MICAL2: variants seen among roughly 807,000 people sequenced by gnomAD.
The protein encoded by MICAL2 is [F-actin]-monooxygenase MICAL2.
MICAL2 carries 77 observed loss-of-function variants against 127.3 expected under a neutral mutation model. The observed-to-expected ratio is 0.60, with a 90% confidence interval of 0.50 to 0.73. The LOEUF (loss-of-function observed/expected upper bound fraction) is 0.73. Ranked by LOEUF, MICAL2 falls within the 30% of genes least tolerant of loss-of-function variation. The pLI, the probability that MICAL2 is intolerant of heterozygous loss-of-function variation, is 0.00. For synonymous variants in MICAL2, 570 were observed against 551.1 expected (o/e 1.03, Z -0.48); for missense variants, 1,351 against 1,434.4 (o/e 0.94, Z 0.94).
At chr11:12,304,100 A>T (rs1441565275) in intron 29 of MICAL2, among the ~76,000 whole-genome samples, 1 of 152,226 alleles carries the variant, frequency 6.6e-6, no homozygotes, top group Non-Finnish European at 1.5e-5. Context: ...AAAATATATT[A>T]AAATTAATTT....
At chr11:12,292,129 T>C (rs778550192), downstream of MICAL2, 24 of 1,611,556 alleles carry the variant, frequency 1.5e-5, no homozygotes, top group Admixed American at 4.0e-4. Flanking sequence ...AAGAGTGTGT[T>C]CTTTCCTTGG....
intron 3 of MICAL2, among the ~76,000 whole-genome samples, chr11:12,191,110 G>A (rs1859039178): frequency 6.6e-6 from 1 of 152,148 alleles, no homozygotes. Flanking sequence ...TCAGAGACAA[G>A]GCCTCTGCTT....
Position 12,255,696 on chromosome 11 carries a change from C to A in MICAL2, c.2901C>A (p.Val967=). 1 of 1,614,046 alleles carries A rather than the reference C, an allele frequency of 6.2e-7. No homozygotes were observed. Among genetic ancestry groups the A allele is most frequent in the South Asian group, 1.1e-5 (1 of 91,054 alleles). Residue 967 remains valine, a synonymous_variant, in exon 23 of 28, where the codon GTC becomes GTA. Coordinates refer to ENST00000683283, the MANE Select transcript of MICAL2 (RefSeq NM_001282663.2). ...TAGGGGCTGCAGCTGAAGTCCTGGTCAATCTGTACATGAATGATCACAGAC... is the reference window on the plus strand; with the variant it reads ...TAGGGGCTGCAGCTGAAGTCCTGGTAAATCTGTACATGAATGATCACAGAC... ...SGIGAAAEVL[V]NLYMNDHRPK...
intron 1 of MICAL2, among the ~76,000 whole-genome samples, chr11:12,135,454 A>AT (rs1851760622): frequency 6.6e-6 from 1 of 152,012 alleles, no homozygotes; most frequent in African/African-American, 2.4e-5. Flanking sequence ...TTACCCACCC[A>AT]CTCTGATGCA....
downstream of MICAL2, among the ~76,000 whole-genome samples, chr11:12,264,046 C>A (rs2134739576): frequency 6.6e-6 from 1 of 152,262 alleles, no homozygotes; most frequent in East Asian, 1.9e-4. Context: ...AGATGCTGGG[C>A]ATAGTGGGTG....
intron 3 of MICAL2, among the ~76,000 whole-genome samples, chr11:12,173,181 C>A (rs1360365450): frequency 1.3e-5 from 2 of 152,178 alleles, no homozygotes; most frequent in African/African-American, 4.8e-5. Context: ...TGCAACCTGG[C>A]GTATTCTACA....
chr11:12,130,125 C>A (rs189709691), intron 1 of MICAL2, among the ~76,000 whole-genome samples: 1 of 152,336 alleles, frequency 6.6e-6, no homozygotes, highest in Admixed American at 6.5e-5. Context: ...CATCCCCACT[C>A]CATTGTCCCT....
At chr11:12,323,509 T>C (rs1295123485) in intron 30 of MICAL2, among the ~76,000 whole-genome samples, 1 of 152,142 alleles carries the variant, frequency 6.6e-6, no homozygotes, top group Non-Finnish European at 1.5e-5. Context: ...CCCTCATCCC[T>C]GGGCCATATC....
intron 2 of MICAL2, among the ~76,000 whole-genome samples, chr11:12,161,005 T>C (rs956931917): frequency 6.6e-6 from 1 of 152,238 alleles, no homozygotes; most frequent in Non-Finnish European, 1.5e-5. Context: ...CTGCGCTCTG[T>C]GTGCTGCTGA....
intron 22 of MICAL2, among the ~76,000 whole-genome samples, chr11:12,250,430 G>T (rs138498940): frequency 1.1e-3 from 166 of 152,282 alleles, no homozygotes; most frequent in African/African-American, 3.9e-3. Flanking sequence ...CGTGCCTCCT[G>T]CATGGCCCAG....
At chr11:12,330,883 C>CAGAGAG (rs1201995121) in intron 32 of MICAL2, among the ~76,000 whole-genome samples, 29 of 112,872 alleles carry the variant, frequency 2.6e-4, no homozygotes, top group East Asian at 1.6e-3. Flanking sequence ...GAGAGAGAGA[C>CAGAGAG]AGAGAGAGAG....
intron 3 of MICAL2, among the ~76,000 whole-genome samples, chr11:12,183,797 T>C (rs1347376224): frequency 2.0e-5 from 3 of 152,206 alleles, no homozygotes; most frequent in Non-Finnish European, 4.4e-5. Flanking sequence ...TTTTATTTTT[T>C]TGAGACAGGG....
Position 12,204,390 on chromosome 11 carries a change from T to C in MICAL2, c.405T>C (p.His135=). The part of the protein sequence containing the change: ...NVLHLWPFTI[H]DLRGLGAKKF... Reference sequence around the variant, plus strand: ...TACACCTCTGGCCTTTCACCATCCATGACCTTCGTGGCCTGGGAGCCAAGA... The same window carrying C: ...TACACCTCTGGCCTTTCACCATCCACGACCTTCGTGGCCTGGGAGCCAAGA... Residue 135 remains histidine, a synonymous_variant, in exon 4 of 28, where the codon CAT becomes CAC. Coordinates refer to ENST00000683283, the MANE Select transcript of MICAL2 (RefSeq NM_001282663.2). 2.5e-6 allele frequency: 4 copies of C among 1,612,690 alleles called. No individual in the cohort carries two copies. Among genetic ancestry groups the C allele is most frequent in the Non-Finnish European group, 3.4e-6 (4 of 1,179,100 alleles).
intron 32 of MICAL2, among the ~76,000 whole-genome samples, chr11:12,339,596 T>C (rs1443650229): frequency 1.3e-5 from 2 of 152,214 alleles, no homozygotes; most frequent in African/African-American, 2.4e-5. Flanking sequence ...CTTTGGTCTT[T>C]GATGATGGTG....
rs186099641 is a variant in MICAL2, at chr11:12,138,080, C to T, written c.-148-310C>T. Among the ~76,000 whole-genome samples the T allele has an allele frequency of 1.5e-3, 229 of 152,312 alleles. 1 individual carries two copies. Among genetic ancestry groups the T allele is most frequent in the African/African-American group, 5.3e-3 (220 of 41,562 alleles). On this transcript the variant is annotated intron_variant, in intron 1 of 27. Transcript: ENST00000683283. ...ACACTTTCTGTTTTTACTAAAGCAG[C>T]GAATAAAGCATTGTTTTCCGGATCC...
rs1409245524 is a variant in MICAL2, at chr11:12,131,179, G to C, written c.-148-7211G>C. On this transcript the variant is annotated intron_variant, in intron 1 of 27. Transcript: ENST00000683283. ...GCGGTGGCGGGCGCCTGTAGTCCCA[G>C]CTACTCGGGAGGCTGAGGCAGGAGA... is the stretch of plus-strand genomic sequence containing the variant. Among the ~76,000 whole-genome samples the C allele has an allele frequency of 2.3e-5, 2 of 87,150 alleles. 1 individual carries two copies. Among genetic ancestry groups the C allele is most frequent in the East Asian group, 6.9e-4 (2 of 2,888 alleles). The allele number at this position is 87,150 out of a possible 152,430, so 57.2% of individuals were successfully genotyped here.
chr11:12,257,067 C>A (rs1862430843), intron 24 of MICAL2, 96 bp downstream of exon 24: 5 of 1,251,260 alleles, frequency 4.0e-6, no homozygotes, highest in African/African-American at 1.5e-5. Flanking sequence ...CTAGGACACC[C>A]AAACATACCC....
intron 2 of MICAL2, among the ~76,000 whole-genome samples, chr11:12,142,568 C>T (rs1852454230): frequency 6.6e-6 from 1 of 152,354 alleles, no homozygotes; most frequent in South Asian, 2.1e-4. Context: ...CAGCACTATG[C>T]TGATGGCACA....
intron 16 of MICAL2, among the ~76,000 whole-genome samples, chr11:12,236,857 A>G (rs771549074): frequency 6.6e-6 from 1 of 152,214 alleles, no homozygotes; most frequent in Non-Finnish European, 1.5e-5. Context: ...GTCATTCAAA[A>G]AAAGCCATTC....
Sources: allele counts gnomAD v4.1 joint callset (sites outside exome capture counted in the v4.1 genomes callset), GRCh38; gene constraint gnomAD v4.1.1; transcripts MANE v1.5; gene names NCBI Gene and HGNC (gene_info 2026-07-23, HGNC 2026-07-21).